Variants in NR2F1-AS1 observed in about 807,000 individuals in gnomAD.
NR2F1-AS1 encodes NR2F1 antisense RNA 1.
At chr5:93,508,427 G>A (rs868479404) in intron 4 of NR2F1-AS1, among the ~76,000 whole-genome samples, 5 of 151,924 alleles carry the variant, frequency 3.3e-5, no homozygotes, top group Middle Eastern at 6.8e-3. Flanking sequence ...AGTTACATAC[G>A]GAAAAAAAAT....
chr5:93,569,009 G>C (rs977041693), intron 1 of NR2F1-AS1, among the ~76,000 whole-genome samples: 1 of 152,134 alleles, frequency 6.6e-6, no homozygotes, highest in African/African-American at 2.4e-5. Flanking sequence ...TGGTGAAAAA[G>C]TTGCAGGATA....
At chr5:93,560,488 T>C (rs1299045683) in intron 2 of NR2F1-AS1, among the ~76,000 whole-genome samples, 1 of 152,200 alleles carries the variant, frequency 6.6e-6, no homozygotes, top group Non-Finnish European at 1.5e-5. Context: ...GTATGCAGCT[T>C]TCAAAGCTCT....
intron 4 of NR2F1-AS1, among the ~76,000 whole-genome samples, chr5:93,549,250 T>C (rs1188314358): frequency 6.6e-6 from 1 of 152,208 alleles, no homozygotes; most frequent in Non-Finnish European, 1.5e-5. Context: ...TAACAACACA[T>C]TGCTATTCTA....
chr5:93,570,916 G>A (rs1204424872), intron 1 of NR2F1-AS1: 1 of 152,218 alleles, frequency 6.6e-6, no homozygotes, highest in Non-Finnish European at 1.5e-5. Context: ...GAAAGGGGTG[G>A]GAGGGGCCCT....
At chr5:93,535,413 C>T (rs1273597566) in intron 4 of NR2F1-AS1, among the ~76,000 whole-genome samples, 2 of 151,626 alleles carry the variant, frequency 1.3e-5, no homozygotes, top group African/African-American at 4.8e-5. Context: ...AGATTTCCTT[C>T]TACAATAAAC....
intron 4 of NR2F1-AS1, among the ~76,000 whole-genome samples, chr5:93,450,937 A>C (rs1477017124): frequency 1.3e-5 from 2 of 149,326 alleles, no homozygotes; most frequent in Non-Finnish European, 3.0e-5. Flanking sequence ...AAAAAAAAAA[A>C]AACAGAGAGA....
intron 4 of NR2F1-AS1, among the ~76,000 whole-genome samples, chr5:93,539,524 G>A (rs1477446048): frequency 6.6e-6 from 1 of 152,098 alleles, no homozygotes; most frequent in Admixed American, 6.5e-5. Context: ...AATACCACAT[G>A]ATCTCACTCA....
chr5:93,418,588 AAAATAAATAAATAAAT>A (rs56873600), intron 4 of NR2F1-AS1, among the ~76,000 whole-genome samples: 2 of 149,410 alleles, frequency 1.3e-5, no homozygotes, highest in Admixed American at 6.6e-5. Context: ...CCGTCTCATA[AAAATAAATAAATAAAT>A]AAATAAATAA....
intron 4 of NR2F1-AS1, among the ~76,000 whole-genome samples, chr5:93,517,212 T>G (rs1751415516): frequency 1.3e-5 from 2 of 152,040 alleles, no homozygotes; most frequent in African/African-American, 4.8e-5. Context: ...ACTTTCTTGC[T>G]AAGTCTTTAA....
chr5:93,578,610 C>T (rs1752950463), intron 1 of NR2F1-AS1, among the ~76,000 whole-genome samples: 5 of 152,138 alleles, frequency 3.3e-5, no homozygotes. Flanking sequence ...GCAAGAGCCA[C>T]AGCGGTCCGA....
rs533868662 is a variant in NR2F1-AS1 at position 93,500,418 on chromosome 5, G to T, written n.638+53343C>A. 2.3e-3 allele frequency among the ~76,000 whole-genome samples: 348 copies of T among 152,060 alleles called. 2 individuals are homozygous for T. Among genetic ancestry groups the T allele is most frequent in the African/African-American group, 7.8e-3 (323 of 41,466 alleles). On this transcript the variant is annotated intron_variant and non_coding_transcript_variant, in intron 4 of 5. Coordinates refer to ENST00000660523, the Ensembl canonical transcript of NR2F1-AS1. ...TTAGATGACAGTACATCTGTTTACT[G>T]CATGTTTTACTGAATATTTTAAGCC...
intron 4 of NR2F1-AS1, among the ~76,000 whole-genome samples, chr5:93,442,069 G>T (rs556555544): frequency 6.6e-6 from 1 of 152,260 alleles, no homozygotes; most frequent in African/African-American, 2.4e-5. Context: ...ATGCTTGCTA[G>T]CTGGGGGTTC....
At chr5:93,444,639 A>G (rs187286653) in intron 4 of NR2F1-AS1, among the ~76,000 whole-genome samples, 130 of 152,320 alleles carry the variant, frequency 8.5e-4, no homozygotes, top group African/African-American at 3.1e-3. Flanking sequence ...TAGACAGATC[A>G]ATGAGACAGA....
chr5:93,509,123 G>A (rs756553424), intron 4 of NR2F1-AS1, among the ~76,000 whole-genome samples: 2 of 152,092 alleles, frequency 1.3e-5, no homozygotes, highest in African/African-American at 4.8e-5. Flanking sequence ...TAAATAAAAT[G>A]CAGTACATTC....
At chr5:93,452,966 C>A (rs1277434103) in intron 4 of NR2F1-AS1, among the ~76,000 whole-genome samples, 2 of 151,938 alleles carry the variant, frequency 1.3e-5, no homozygotes, top group African/African-American at 4.8e-5. Flanking sequence ...AAATATTACC[C>A]ATAATCCAAA....
At chr5:93,565,844 ATAAC>A (rs1752606453) in intron 1 of NR2F1-AS1, among the ~76,000 whole-genome samples, 1 of 151,914 alleles carries the variant, frequency 6.6e-6, no homozygotes, top group South Asian at 2.1e-4. Flanking sequence ...ATATATATAT[ATAAC>A]TATTTCTAAT....
intron 4 of NR2F1-AS1, among the ~76,000 whole-genome samples, chr5:93,488,974 C>T (rs544215035): frequency 2.2e-4 from 34 of 152,214 alleles, no homozygotes; most frequent in Middle Eastern, 3.4e-3. Flanking sequence ...TGGAAACCAT[C>T]ATTCTCAGCA....
At chr5:93,567,238 T>C (rs575575999) in intron 1 of NR2F1-AS1, among the ~76,000 whole-genome samples, 3 of 152,228 alleles carry the variant, frequency 2.0e-5, no homozygotes, top group South Asian at 4.1e-4. Flanking sequence ...TTTTTTTTCC[T>C]GGGTTAAACG....
chr5:93,556,776 C>G (rs1210342610), intron 2 of NR2F1-AS1, among the ~76,000 whole-genome samples: 1 of 152,160 alleles, frequency 6.6e-6, no homozygotes, highest in Non-Finnish European at 1.5e-5. Context: ...CTCCCTCATA[C>G]CCCTTAGAAA....
Sources: allele counts gnomAD v4.1 joint callset (sites outside exome capture counted in the v4.1 genomes callset), GRCh38; gene constraint gnomAD v4.1.1; transcripts MANE v1.5; gene names NCBI Gene and HGNC (gene_info 2026-07-23, HGNC 2026-07-21).